Variants in CDCA7L observed in about 807,000 individuals in gnomAD.
The protein encoded by CDCA7L is cell division cycle associated 7 like, also known as cell division cycle-associated 7-like protein.
CDCA7L carries 44 observed loss-of-function variants against 57.4 expected under a neutral mutation model. The observed-to-expected ratio is 0.77, with a 90% CI of 0.60 to 0.98. The LOEUF (loss-of-function observed/expected upper bound fraction) is 0.98. Ranked by LOEUF, CDCA7L falls within the 50% of genes least tolerant of loss-of-function variation. The pLI is 0.00. For missense variants in CDCA7L, 644 were observed against 580.6 expected, an observed-to-expected ratio of 1.11 and a Z score of -1.12; for synonymous variants, 236 against 202.8, an observed-to-expected ratio of 1.16 and a Z score of -1.39.
chr7:21,903,386 C>T (rs1785009262), intron 8 of CDCA7L, among the ~76,000 whole-genome samples: 1 of 152,162 alleles, frequency 6.6e-6, no homozygotes, highest in South Asian at 2.1e-4. Context: ...GGGCCCTGTG[C>T]GAGCATGCAG....
intron 1 of CDCA7L, among the ~76,000 whole-genome samples, chr7:21,923,640 G>C (rs1785733925): frequency 6.6e-6 from 1 of 152,190 alleles, no homozygotes; most frequent in South Asian, 2.1e-4. Flanking sequence ...TGTGGCTTAA[G>C]AACCCAACTC....
rs1562616616 is a variant in CDCA7L at position 21,901,971 on chromosome 7, T to TAGA, written c.*348_*350dup. Reference sequence around the variant, plus strand: ...GAGTTACTGTTTGGGAAGCCAAAGATAGATAGATCAAGTGCAGGAGCTGAT... The same window carrying TAGA: ...GAGTTACTGTTTGGGAAGCCAAAGATAGAAGATAGATCAAGTGCAGGAGCTGAT... On this transcript the variant is annotated 3_prime_UTR_variant, in exon 10 of 10. Coordinates refer to ENST00000406877, the MANE Select transcript of CDCA7L (RefSeq NM_018719.5). 1 of 8,504 alleles carries TAGA rather than the reference T, an allele frequency of 1.2e-4. No homozygotes were observed. The highest frequency in any genetic ancestry group is 1.8e-4 in the African/African-American group (1 of 5,532). 0.5% of individuals were successfully genotyped at this position (8,504 alleles called of 1,614,324 possible). A position where few individuals can be genotyped will look rare whatever the true frequency, so the allele number is the denominator to read the frequency against.
At chr7:21,915,704 G>A (rs926976329) in intron 2 of CDCA7L, among the ~76,000 whole-genome samples, 1 of 150,384 alleles carries the variant, frequency 6.6e-6, no homozygotes, top group Admixed American at 6.6e-5. Context: ...GTGGGAGCCT[G>A]TAATCCCAGC....
intron 7 of CDCA7L, 147 bp downstream of exon 7, chr7:21,905,359 A>C: frequency 3.1e-5 from 24 of 784,756 alleles, no homozygotes; most frequent in Non-Finnish European, 4.6e-5. Context: ...TTTCCCAGGT[A>C]CAGCTGACTT....
intron 2 of CDCA7L, among the ~76,000 whole-genome samples, chr7:21,914,789 G>A (rs1159971660): frequency 6.6e-6 from 1 of 152,172 alleles, no homozygotes; most frequent in African/African-American, 2.4e-5. Context: ...AGCTTCCCAG[G>A]GAGGTCTGTG....
At chr7:21,916,276 G>T (rs1329523219) in intron 2 of CDCA7L, among the ~76,000 whole-genome samples, 2 of 152,106 alleles carry the variant, frequency 1.3e-5, no homozygotes, top group African/African-American at 4.8e-5. Context: ...ACTTGTGAGT[G>T]CTAGAGATCA....
chr7:21,912,234 C>A (rs530398405), intron 2 of CDCA7L, among the ~76,000 whole-genome samples: 1 of 152,018 alleles, frequency 6.6e-6, no homozygotes, highest in Admixed American at 6.6e-5. Flanking sequence ...CTCCAGCCTG[C>A]GTTGCAGCCA....
At chr7:21,924,176 C>G (rs959024362) in intron 1 of CDCA7L, among the ~76,000 whole-genome samples, 2 of 151,940 alleles carry the variant, frequency 1.3e-5, no homozygotes, top group African/African-American at 4.8e-5. Flanking sequence ...AACCTCCTAC[C>G]CAGAAGGAAC....
chr7:21,922,475 T>C (rs1162598393), intron 1 of CDCA7L, among the ~76,000 whole-genome samples: 1 of 152,034 alleles, frequency 6.6e-6, no homozygotes, highest in African/African-American at 2.4e-5. Flanking sequence ...CCTCCAACAT[T>C]CCCAGAGAAC....
intron 1 of CDCA7L, among the ~76,000 whole-genome samples, chr7:21,925,913 T>C (rs1310740181): frequency 6.6e-6 from 1 of 152,146 alleles, no homozygotes; most frequent in African/African-American, 2.4e-5. Flanking sequence ...CAGATTGTGA[T>C]GGGATCTCAT....
At chr7:21,940,281 C>G in intron 1 of CDCA7L, 1 of 983,658 alleles carries the variant, frequency 1.0e-6, no homozygotes, top group South Asian at 4.7e-5. Context: ...AAAGAACCAG[C>G]CCTGATGACT....
intron 1 of CDCA7L, among the ~76,000 whole-genome samples, chr7:21,940,602 C>A (rs373813799): frequency 3.3e-5 from 5 of 152,178 alleles, no homozygotes; most frequent in Non-Finnish European, 7.4e-5. Context: ...AGGGCGAGCA[C>A]CTGAGCCAGC....
In CDCA7L at chr7:21,902,202, TTCTACAAAGA is replaced by T; in HGVS notation, c.*110_*119del. The T allele has an allele frequency of 3.1e-6, 3 of 976,296 alleles. No homozygotes were observed. The highest frequency in any genetic ancestry group is 3.2e-6 in the Non-Finnish European group (2 of 615,450). The allele number at this position is 976,296 out of a possible 1,614,324, so 60.5% of individuals were successfully genotyped here. On this transcript the variant is annotated 3_prime_UTR_variant, in exon 10 of 10. Transcript: ENST00000406877. ...ACAATCTTTAACAAAAAATAGTAAT[TTCTACAAAGA>T]ATTTCTGTATAAAAACACAACTGTA...
Position 21,901,043 on chromosome 7 carries a change from A to C in CDCA7L, c.*1279T>G, listed in dbSNP as rs763700399. The C allele has an allele frequency of 6.2e-7, 1 of 1,612,524 alleles. No homozygotes were observed. Among genetic ancestry groups the C allele is most frequent in the Non-Finnish European group, 8.5e-7 (1 of 1,179,168 alleles). The stretch of plus-strand genomic sequence containing the variant: ...GACACCCAAGCAGGAACCATTGTTG[A>C]AGCCCGTCTCAAGGAGCTGGCATGC... On this transcript the variant is annotated 3_prime_UTR_variant, in exon 10 of 10. Transcript: ENST00000406877.
rs3062638 is a variant in CDCA7L, at chr7:21,939,963, CAAAAAAAAAAA to C, written c.24+5807_24+5817del. 2.6e-5 allele frequency among the ~76,000 whole-genome samples: 3 copies of C among 115,806 alleles called. No individual in the cohort carries two copies. The East Asian group carries it at 8.2e-4, about 32-fold the overall frequency. 76.0% of individuals were successfully genotyped at this position (115,806 alleles called of 152,430 possible). A position where few individuals can be genotyped will look rare whatever the true frequency, so the allele number is the denominator to read the frequency against. ...TAAATCTCAATCAATAGCTTCAAACCAAAAAAAAAAAAAAAAAAAAAGGCTTCCGTCTTGTT... is the reference window on the plus strand; with the variant it reads ...TAAATCTCAATCAATAGCTTCAAACCAAAAAAAAAAGGCTTCCGTCTTGTT... On this transcript the variant is annotated intron_variant, in intron 1 of 9. Coordinates refer to ENST00000406877, the MANE Select transcript of CDCA7L (RefSeq NM_018719.5).
intron 3 of CDCA7L, among the ~76,000 whole-genome samples, chr7:21,911,392 A>G (rs1344480674): frequency 6.6e-6 from 1 of 152,026 alleles, no homozygotes; most frequent in Non-Finnish European, 1.5e-5. Flanking sequence ...AAAACCCCCT[A>G]AGGCACGAGG....
At chr7:21,944,413 T>C (rs893644276) in intron 1 of CDCA7L, among the ~76,000 whole-genome samples, 29 of 118,014 alleles carry the variant, frequency 2.5e-4, no homozygotes, top group African/African-American at 9.1e-4. Context: ...GTCGCGCCAT[T>C]ACACTCCACC....
At chr7:21,937,900 T>A (rs141836168) in intron 1 of CDCA7L, among the ~76,000 whole-genome samples, 1 of 152,298 alleles carries the variant, frequency 6.6e-6, no homozygotes, top group South Asian at 2.1e-4. Context: ...GTTGGACCCT[T>A]ACCTTAAGCC....
At chr7:21,944,120 C>G (rs1786429815) in intron 1 of CDCA7L, among the ~76,000 whole-genome samples, 1 of 151,890 alleles carries the variant, frequency 6.6e-6, no homozygotes, top group Non-Finnish European at 1.5e-5. Flanking sequence ...TGTTTTTAGT[C>G]CTGTAGCAAC....
Sources: gnomAD v4.1 joint callset for allele counts (sites outside exome capture counted in the v4.1 genomes callset) on GRCh38, gnomAD v4.1.1 for gene constraint, MANE v1.5 for transcripts, NCBI Gene and HGNC (gene_info 2026-07-23, HGNC 2026-07-21) for gene names.